CSMD1: variants seen among roughly 807,000 people sequenced by gnomAD.
CSMD1 encodes the protein CUB and Sushi multiple domains 1.
Under a neutral mutation model 417.5 loss-of-function variants are expected in CSMD1, and 213 were observed. That is an observed-to-expected ratio of 0.51 (90% CI 0.46 to 0.57). CSMD1 has a LOEUF of 0.57. Among genes scored for constraint, CSMD1 ranks in the 20% least tolerant of loss-of-function variants. The pLI is 0.00. For synonymous variants in CSMD1, 2,862 were observed against 1,736.8 expected, an observed-to-expected ratio of 1.65 and a Z score of -16.11; for missense variants, 6,923 against 4,529.7, an observed-to-expected ratio of 1.53 and a Z score of -15.17.
chr8:4,664,071 TC>T (rs1260034132), intron 1 of CSMD1, among the ~76,000 whole-genome samples: 3 of 152,166 alleles, frequency 2.0e-5, no homozygotes, highest in Non-Finnish European at 4.4e-5. Flanking sequence ...CTGTGTGGGT[TC>T]TGTGTGTGCG....
chr8:3,442,426 C>G (rs1050634470), intron 12 of CSMD1, among the ~76,000 whole-genome samples: 2 of 152,168 alleles, frequency 1.3e-5, no homozygotes, highest in Admixed American at 6.5e-5. Flanking sequence ...GTACCTTATA[C>G]AGATGTCCCA....
chr8:3,350,836 T>C (rs1275149095), intron 21 of CSMD1, among the ~76,000 whole-genome samples: 1 of 150,772 alleles, frequency 6.6e-6, no homozygotes, highest in Non-Finnish European at 1.5e-5. Flanking sequence ...TATTAGCCTT[T>C]GGAATCTGGG....
chr8:4,703,885 G>T (rs1216827892), intron 1 of CSMD1, among the ~76,000 whole-genome samples: 1 of 152,150 alleles, frequency 6.6e-6, no homozygotes, highest in Admixed American at 6.5e-5. Flanking sequence ...TTGGGGGACG[G>T]TTTTGGGATG....
At position 4,360,992 on chromosome 8, in the gene CSMD1, T is replaced by C. The variant is rs142359791; in HGVS notation, c.415+58961A>G. Among the ~76,000 whole-genome samples the C allele has an allele frequency of 5.1e-3, 778 of 152,308 alleles. 6 individuals carry two copies. The highest frequency in any genetic ancestry group is 0.017 in the Middle Eastern group (5 of 294). ...ACTGACAGTAGATATTTGACTAATA[T>C]TTGAAGACATTTTAAAATAAAATAT... On this transcript the variant is annotated intron_variant, in intron 3 of 69. Transcript: ENST00000635120.
At chr8:4,291,767 G>C (rs191223937) in intron 3 of CSMD1, among the ~76,000 whole-genome samples, 200 of 152,292 alleles carry the variant, frequency 1.3e-3, no homozygotes, top group African/African-American at 4.4e-3. Context: ...AGGCTAACTA[G>C]CTACTTTTAA....
At chr8:3,834,512 G>T (rs891129279) in intron 5 of CSMD1, among the ~76,000 whole-genome samples, 1 of 152,154 alleles carries the variant, frequency 6.6e-6, no homozygotes, top group South Asian at 2.1e-4. Flanking sequence ...GGGGAGAAAC[G>T]GGGTAGAAGC....
At chr8:3,720,649 A>ACACACACC (rs1802103760) in intron 6 of CSMD1, among the ~76,000 whole-genome samples, 1 of 151,896 alleles carries the variant, frequency 6.6e-6, no homozygotes, top group South Asian at 2.1e-4. Context: ...ACACACACAC[A>ACACACACC]CACACACCAG....
intron 4 of CSMD1, among the ~76,000 whole-genome samples, chr8:4,027,203 T>G (rs1046948735): frequency 6.6e-6 from 1 of 152,190 alleles, no homozygotes; most frequent in Non-Finnish European, 1.5e-5. Context: ...GAAGCCCTGT[T>G]GAAGGTTTGT....
chr8:4,602,360 G>C (rs528747346), intron 2 of CSMD1, among the ~76,000 whole-genome samples: 258 of 152,260 alleles, frequency 1.7e-3, no homozygotes, highest in African/African-American at 6.0e-3. Context: ...TGAAACAGAA[G>C]CTTCTACTGC....
chr8:3,314,551 C>G (rs1047392210), intron 23 of CSMD1, among the ~76,000 whole-genome samples: 1 of 152,148 alleles, frequency 6.6e-6, no homozygotes, highest in Non-Finnish European at 1.5e-5. Flanking sequence ...AGTATTATTA[C>G]AATCAAAACT....
chr8:3,645,857 T>A (rs2117347246), intron 7 of CSMD1, among the ~76,000 whole-genome samples: 1 of 152,348 alleles, frequency 6.6e-6, no homozygotes. Flanking sequence ...GTTTAAATAA[T>A]GTTTTTATAT....
intron 17 of CSMD1, among the ~76,000 whole-genome samples, chr8:3,392,659 G>A (rs1005298269): frequency 1.3e-5 from 2 of 151,962 alleles, no homozygotes; most frequent in Non-Finnish European, 2.9e-5. Flanking sequence ...TAAAAGCTCA[G>A]GATTCTGATT....
intron 1 of CSMD1, among the ~76,000 whole-genome samples, chr8:4,859,400 G>T (rs919045892): frequency 2.0e-5 from 3 of 152,122 alleles, no homozygotes; most frequent in Admixed American, 2.0e-4. Context: ...AGCAACAAAA[G>T]AAAAAATTGA....
intron 2 of CSMD1, among the ~76,000 whole-genome samples, chr8:4,501,903 G>C (rs1050558239): frequency 5.3e-5 from 8 of 152,142 alleles, no homozygotes; most frequent in Non-Finnish European, 1.0e-4. Flanking sequence ...AAGGTATGAG[G>C]AATCTACTGG....
At chr8:4,513,342 C>T (rs915688185) in intron 2 of CSMD1, among the ~76,000 whole-genome samples, 1 of 152,060 alleles carries the variant, frequency 6.6e-6, no homozygotes, top group Non-Finnish European at 1.5e-5. Context: ...AAACATAAAG[C>T]AGCAAACATC....
At chr8:3,831,058 G>C (rs192495614) in intron 5 of CSMD1, among the ~76,000 whole-genome samples, 1 of 152,128 alleles carries the variant, frequency 6.6e-6, no homozygotes. Flanking sequence ...TTGGGTGTTG[G>C]AAATGTCCAG....
Position 3,219,371 on chromosome 8 carries a change from C to G in CSMD1, c.4556G>C (p.Gly1519Ala), listed in dbSNP as rs767390924. The part of the protein sequence containing the change: ...EGEDSNSPLI[G>A]SYQGSQAPER... ...TGGGGCCTGAGAGCCCTGGTAACTC[C>G]CAATGAGGGGGCTGTTGGAATCTTC... The change falls in exon 29 of 70, where the codon GGG becomes GCG. Residue 1519 changes from glycine (G) to alanine (A), a missense_variant. Coordinates refer to ENST00000635120, the MANE Select transcript of CSMD1 (RefSeq NM_033225.6). The G allele has an allele frequency of 2.5e-6, 4 of 1,570,290 alleles. No individual in the cohort carries two copies. Among genetic ancestry groups the G allele is most frequent in the Non-Finnish European group, 2.6e-6 (3 of 1,157,160 alleles).
rs143903294 is a variant in CSMD1 at position 3,427,100 on chromosome 8, G to A, written c.1562-17495C>T. 1.6e-4 allele frequency among the ~76,000 whole-genome samples: 25 copies of A among 152,242 alleles called. No individual in the cohort carries two copies. The East Asian group carries it at 2.5e-3, about 15-fold the overall frequency. ...ATAGTGGAAACCATCCCCATGATTC[G>A]ATCACTCTACTTGGCCTCTCCTTTG... On this transcript the variant is annotated intron_variant, in intron 12 of 69. Transcript: ENST00000635120.
intron 5 of CSMD1, among the ~76,000 whole-genome samples, chr8:3,880,628 G>A (rs1806144142): frequency 6.6e-6 from 1 of 152,020 alleles, no homozygotes; most frequent in South Asian, 2.1e-4. Context: ...TTAAATCTAG[G>A]ACATACATGT....
Sources: gnomAD v4.1 joint callset for allele counts (sites outside exome capture counted in the v4.1 genomes callset) on GRCh38, gnomAD v4.1.1 for gene constraint, MANE v1.5 for transcripts, NCBI Gene and HGNC (gene_info 2026-07-23, HGNC 2026-07-21) for gene names.